Variants in DMD observed in about 807,000 individuals in gnomAD.
DMD encodes mutant dystrophin.
DMD carries 63 observed loss-of-function variants against 330.1 expected under a neutral mutation model. That is an observed-to-expected ratio of 0.19 (90% CI 0.16 to 0.24). The LOEUF (loss-of-function observed/expected upper bound fraction) is 0.24, where lower values mean the gene tolerates loss of function less well. Among genes scored for constraint, DMD ranks in the 10% least tolerant of loss-of-function variants. The pLI is 1.00. For synonymous variants in DMD, 1,223 were observed against 959.8 expected (o/e 1.27, Z -5.07); for missense variants, 3,344 against 2,684.1 (o/e 1.25, Z -5.43).
intron 4 of DMD, among the ~76,000 whole-genome samples, chrX:32,824,513 G>A (rs1004612170): frequency 8.9e-6 from 1 of 111,890 alleles, no homozygotes; most frequent in Non-Finnish European, 1.9e-5. Context: ...GTAGCATACT[G>A]TATGAATCCG....
At chrX:31,138,361 C>T (rs1369108457) in intron 76 of DMD, among the ~76,000 whole-genome samples, 1 of 111,467 alleles carries the variant, frequency 9.0e-6, no homozygotes, top group Non-Finnish European at 1.9e-5. Context: ...GACTGATACA[C>T]TATTATGGGC....
At chrX:32,610,480 G>A (rs765389325) in intron 12 of DMD, among the ~76,000 whole-genome samples, 4 of 111,428 alleles carry the variant, frequency 3.6e-5, no homozygotes, top group South Asian at 3.7e-4. Flanking sequence ...ATAAAATGCT[G>A]TTGAAATGAA....
At chrX:31,810,406 T>C (rs1430343184) in intron 50 of DMD, among the ~76,000 whole-genome samples, 1 of 111,945 alleles carries the variant, frequency 8.9e-6, no homozygotes, top group Non-Finnish European at 1.9e-5. Context: ...ACTGTCGAAA[T>C]GTACAGTAAG....
At chrX:31,789,070 C>T (rs1342486913) in intron 50 of DMD, among the ~76,000 whole-genome samples, 13 of 111,318 alleles carry the variant, frequency 1.2e-4, no homozygotes, top group East Asian at 2.8e-4. Flanking sequence ...AATCCATTTA[C>T]ATTCAAAGTA....
chrX:32,960,768 T>C (rs2091852976), intron 2 of DMD, among the ~76,000 whole-genome samples: 1 of 110,879 alleles, frequency 9.0e-6, no homozygotes, highest in Non-Finnish European at 1.9e-5. Flanking sequence ...TTTGCTTATC[T>C]TTGGATAACT....
At chrX:33,091,703 G>A (rs1023965636) in intron 1 of DMD, among the ~76,000 whole-genome samples, 1 of 111,799 alleles carries the variant, frequency 8.9e-6, no homozygotes, top group African/African-American at 3.2e-5. Flanking sequence ...TGTGAACAAA[G>A]TGAAGAATAG....
At chrX:31,712,548 T>A (rs1481832017) in intron 52 of DMD, among the ~76,000 whole-genome samples, 1 of 112,307 alleles carries the variant, frequency 8.9e-6, no homozygotes, top group African/African-American at 3.2e-5. Context: ...ATCTAGTGAA[T>A]GATGTAATGA....
chrX:32,625,487 A>G (rs1038183847), intron 11 of DMD, among the ~76,000 whole-genome samples: 4 of 112,177 alleles, frequency 3.6e-5, no homozygotes, highest in Non-Finnish European at 5.6e-5. Flanking sequence ...GCAAGTACTT[A>G]TCCATACCAA....
intron 41 of DMD, among the ~76,000 whole-genome samples, chrX:32,313,229 G>A (rs774024239): frequency 1.2e-4 from 13 of 110,754 alleles, no homozygotes; most frequent in Non-Finnish European, 2.5e-4. Context: ...TCCCTGGGAT[G>A]CAAAGCTGGT....
chrX:32,648,629 A>G (rs2146889003), intron 9 of DMD, among the ~76,000 whole-genome samples: 1 of 112,098 alleles, frequency 8.9e-6, no homozygotes, highest in Non-Finnish European at 1.9e-5. Flanking sequence ...AAATGGCTCT[A>G]GAATTTCAGA....
At chrX:32,631,216 C>T (rs184850122) in intron 11 of DMD, among the ~76,000 whole-genome samples, 1 of 111,300 alleles carries the variant, frequency 9.0e-6, no homozygotes, top group Non-Finnish European at 1.9e-5. Context: ...CTGCCTGGAG[C>T]TAAAGGAGAG....
chrX:32,122,607 T>C (rs753817718), intron 44 of DMD, among the ~76,000 whole-genome samples: 14 of 111,482 alleles, frequency 1.3e-4, no homozygotes, highest in Non-Finnish European at 2.3e-4. Context: ...CTGTGCCCCC[T>C]GCCCACCCCA....
chrX:31,285,156 G>C (rs2053102533), intron 62 of DMD, among the ~76,000 whole-genome samples: 1 of 111,936 alleles, frequency 8.9e-6, no homozygotes, highest in South Asian at 3.7e-4. Flanking sequence ...TAGTATTTGA[G>C]AGCCATTTTC....
chrX:31,924,922 A>T (rs1603610105), intron 47 of DMD, among the ~76,000 whole-genome samples: 1 of 112,104 alleles, frequency 8.9e-6, no homozygotes, highest in South Asian at 3.6e-4. Context: ...GCGATGAAAA[A>T]TTTAAACTTA....
At position 31,241,528 on chromosome X, in the gene DMD, G is replaced by A. The variant is rs140325432; in HGVS notation, c.9287-18407C>T. Among the ~76,000 whole-genome samples, 24 of 111,468 alleles carry A rather than the reference G, an allele frequency of 2.2e-4. 1 individual carries two copies. In the East Asian group the frequency reaches 4.5e-3, roughly 21 times the overall value. The stretch of plus-strand genomic sequence containing the variant: ...ATTCATATCTATTCCCTGTTGCTCC[G>A]CTCAGTTTGCAATTTCCTCTTTTCC... On this transcript the variant is annotated intron_variant, in intron 63 of 78. Transcript: ENST00000357033.
intron 62 of DMD, among the ~76,000 whole-genome samples, chrX:31,289,899 TTTATTATTATTATTA>T (rs200740564): frequency 2.2e-4 from 21 of 93,559 alleles, no homozygotes; most frequent in African/African-American, 5.9e-4. Flanking sequence ...TATTATTCTG[TTTATTATTATTATTA>T]TTATTATTAT....
At chrX:31,889,167 G>T (rs983751065) in intron 47 of DMD, among the ~76,000 whole-genome samples, 76 of 111,932 alleles carry the variant, frequency 6.8e-4, no homozygotes, top group African/African-American at 1.9e-3. Context: ...CAATAAATAG[G>T]TTGGCAGTCC....
chrX:32,322,366 C>T (rs1314699077), intron 41 of DMD, among the ~76,000 whole-genome samples: 1 of 110,683 alleles, frequency 9.0e-6, no homozygotes, highest in African/African-American at 3.3e-5. Flanking sequence ...CAAGACCAGC[C>T]TGGGCAACAT....
At chrX:31,779,685 TTGTGTGTGTGTG>T (rs34110475) in intron 50 of DMD, among the ~76,000 whole-genome samples, 8 of 100,106 alleles carry the variant, frequency 8.0e-5, no homozygotes, top group South Asian at 5.0e-4. Context: ...GATACACACA[TTGTGTGTGTGTG>T]TGTGTGTGTG....
Sources: gnomAD v4.1 joint callset for allele counts (sites outside exome capture counted in the v4.1 genomes callset) on GRCh38, gnomAD v4.1.1 for gene constraint, MANE v1.5 for transcripts, NCBI Gene and HGNC (gene_info 2026-07-23, HGNC 2026-07-21) for gene names.